The following PGAP1 variants were observed in gnomAD, a reference collection of about 807,000 sequenced individuals.
PGAP1 encodes post-GPI attachment to proteins inositol deacylase 1, also known as GPI inositol-deacylase.
PGAP1 carries 76 observed loss-of-function variants against 127.0 expected under a neutral mutation model. The ratio of observed to expected loss-of-function variants is 0.60; its 90% CI spans 0.50 to 0.72. The LOEUF is 0.72. Ranked by LOEUF, PGAP1 falls within the 30% of genes least tolerant of loss-of-function variation. PGAP1 has a pLI of 0.00. For missense variants in PGAP1, 982 were observed against 1,071.3 expected (o/e 0.92, Z 1.16); for synonymous variants, 362 against 366.5 (o/e 0.99, Z 0.14).
rs753763690 is a variant in PGAP1 at position 196,848,007 on chromosome 2, T to C, written c.1892A>G (p.Asp631Gly). The change falls in exon 21 of 27, where the codon GAT becomes GGT. Residue 631 changes from aspartate (D) to glycine (G), a missense_variant. Coordinates refer to ENST00000354764, the MANE Select transcript of PGAP1 (RefSeq NM_024989.4). ...AACTTTGTATGGTTTGGCTTCTTTA[T>C]CCAACATGGTAGCATATTCTAAGCA... ...GCCLEYATML[D>G]KEAKPYKVDP... 5 of 1,602,818 alleles carry C rather than the reference T, an allele frequency of 3.1e-6. No homozygotes were observed. The East Asian group carries it at 1.1e-4, about 36-fold the overall frequency.
At chr2:196,844,227 T>C (rs1700496100) in intron 24 of PGAP1, 152 bp from the exon 25 acceptor site, 1 of 545,258 alleles carries the variant, frequency 1.8e-6, no homozygotes, top group African/African-American at 1.9e-5. Context: ...AAAAATACTT[T>C]AAAATTGTTA....
intron 2 of PGAP1, among the ~76,000 whole-genome samples, chr2:196,918,734 A>C (rs184553767): frequency 1.3e-5 from 2 of 152,310 alleles, no homozygotes; most frequent in Admixed American, 6.5e-5. Flanking sequence ...TTTAATCATG[A>C]AGGGGCACAG....
intron 1 of PGAP1, among the ~76,000 whole-genome samples, chr2:196,925,423 G>C (rs1432547405): frequency 6.6e-6 from 1 of 152,110 alleles, no homozygotes; most frequent in Non-Finnish European, 1.5e-5. Flanking sequence ...ATATGTTATA[G>C]TGCATATACA....
At chr2:196,856,508 T>C (rs898247548) in intron 20 of PGAP1, among the ~76,000 whole-genome samples, 3 of 152,206 alleles carry the variant, frequency 2.0e-5, no homozygotes, top group African/African-American at 7.2e-5. Context: ...CCAATCCAAC[T>C]TTCTTCCATG....
intron 14 of PGAP1, among the ~76,000 whole-genome samples, chr2:196,874,371 G>T (rs994380820): frequency 6.6e-6 from 1 of 151,798 alleles, no homozygotes; most frequent in Non-Finnish European, 1.5e-5. Context: ...GGGGGAGAAG[G>T]GTCTACTTTA....
Position 196,890,851 on chromosome 2 carries a change from C to T in PGAP1, c.1150G>A (p.Val384Ile). 1 of 1,544,314 alleles carries T rather than the reference C, an allele frequency of 6.5e-7. No individual in the cohort carries two copies. Among genetic ancestry groups the T allele is most frequent in the Non-Finnish European group, 9.0e-7 (1 of 1,117,160 alleles). Reference sequence around the variant, plus strand: ...ACCAGCATAGTGCTCTGACAATAGACATGAGTGTAGATTTTTCTATGATTT... The same window carrying T: ...ACCAGCATAGTGCTCTGACAATAGATATGAGTGTAGATTTTTCTATGATTT... ...LENHRKIYTH[V>I]YCQSTMLDTN... is the part of the protein sequence containing the mutation. The change falls in exon 10 of 27, where the codon GTC (valine) becomes ATC (isoleucine). Residue 384 changes from valine to isoleucine, a missense_variant. Val to Ile is a conservative substitution (Grantham distance 29, BLOSUM62 3). Coordinates refer to ENST00000354764, the MANE Select transcript of PGAP1 (RefSeq NM_024989.4).
At position 196,837,514 on chromosome 2, in the gene PGAP1, G is replaced by A. The variant is rs969233252; in HGVS notation, c.*3720C>T. 14 of 152,114 alleles carry A rather than the reference G, an allele frequency of 9.2e-5. No homozygotes were observed. The highest frequency in any genetic ancestry group is 7.9e-4 in the Admixed American group (12 of 15,270). 9.4% of individuals were successfully genotyped at this position (152,114 alleles called of 1,614,324 possible). On this transcript the variant is annotated 3_prime_UTR_variant, in exon 27 of 27. Coordinates refer to ENST00000354764, the MANE Select transcript of PGAP1 (RefSeq NM_024989.4). ...GTGGCATGTACCTGTAGTCTCACCT[G>A]CTGTGGGAGGCTGAGATGGGAGGAT...
At chr2:196,894,446 A>T (rs1047663175) in intron 7 of PGAP1, among the ~76,000 whole-genome samples, 7 of 152,296 alleles carry the variant, frequency 4.6e-5, no homozygotes, top group Middle Eastern at 3.4e-3. Flanking sequence ...CTTATACTAA[A>T]TTTGTTTGAT....
Position 196,916,590 on chromosome 2 carries a change from C to T in PGAP1, c.305G>A (p.Arg102His), listed in dbSNP as rs1397678356. ...PGNAGSYKQV[R>H]SIGSIALRKA... ...TCTAAGTGCAATGGAGCCAATAGAA[C>T]GAACTGCAGAGGAAAAGAGTGAAGT... The change falls in exon 3 of 27, where the codon CGT becomes CAT. Residue 102 changes from arginine to histidine, a missense_variant. Arg to His is a conservative substitution (Grantham distance 29). Transcript: ENST00000354764. 5.6e-6 allele frequency: 9 copies of T among 1,601,488 alleles called. No individual in the cohort carries two copies. The highest frequency in any genetic ancestry group is 1.7e-4 in the Middle Eastern group (1 of 6,010).
Position 196,847,991 on chromosome 2 carries a change from T to A in PGAP1, c.1908A>T (p.Pro636=). The A allele has an allele frequency of 1.9e-6, 3 of 1,602,090 alleles. No individual in the cohort carries two copies. The highest frequency in any genetic ancestry group is 2.6e-6 in the Non-Finnish European group (3 of 1,175,798). The change falls in exon 21 of 27, where the codon CCA becomes CCT. Residue 636 remains proline, a synonymous_variant. Coordinates refer to ENST00000354764, the MANE Select transcript of PGAP1 (RefSeq NM_024989.4). ...TAATTACAAAAGGATCAACTTTGTATGGTTTGGCTTCTTTATCCAACATGG... is the reference window on the plus strand; with the variant it reads ...TAATTACAAAAGGATCAACTTTGTAAGGTTTGGCTTCTTTATCCAACATGG... ...YATMLDKEAK[P]YKVDPFVIII...
intron 13 of PGAP1, among the ~76,000 whole-genome samples, chr2:196,876,313 C>T (rs1050771641): frequency 2.0e-5 from 3 of 152,144 alleles, no homozygotes; most frequent in South Asian, 2.1e-4. Flanking sequence ...GAAATACTGC[C>T]ATTCATTGAC....
At chr2:196,843,442 C>A (rs1700470145) in intron 25 of PGAP1, among the ~76,000 whole-genome samples, 1 of 152,116 alleles carries the variant, frequency 6.6e-6, no homozygotes, top group African/African-American at 2.4e-5. Flanking sequence ...ATTTAGATAA[C>A]TTGAAAGTTT....
chr2:196,920,086 T>A lies in PGAP1; in HGVS notation c.212A>T (p.Glu71Val). Residue 71 changes from glutamate (E) to valine (V), a missense_variant, in exon 2 of 27, where the codon GAG (glutamate) becomes GTG (valine). Physicochemically the swap from Glu to Val is moderately radical, Grantham distance 121. Coordinates refer to ENST00000354764, the MANE Select transcript of PGAP1 (RefSeq NM_024989.4). ...TTTGTGTTCTTCAGCATAGGATCCC[T>A]CTCCATAAAGATACAACTCATATGC... ...YPAYELYLYG[E>V]GSYAEEHKIL... The A allele has an allele frequency of 1.2e-6, 2 of 1,613,370 alleles. No homozygotes were observed. Among genetic ancestry groups the A allele is most frequent in the Non-Finnish European group, 8.5e-7 (1 of 1,179,560 alleles).
rs1181358577 is a variant in PGAP1 at position 196,835,815 on chromosome 2, T to C, written c.*5419A>G. The stretch of plus-strand genomic sequence containing the variant: ...AAAGAGAATTCAAATGTGTCTCTTT[T>C]TTTTGCTAAAAAAGGGATGTAAAAA... On this transcript the variant is annotated 3_prime_UTR_variant, in exon 27 of 27. Transcript: ENST00000354764. The C allele has an allele frequency of 6.6e-6, 1 of 152,360 alleles. No homozygotes were observed. The highest frequency in any genetic ancestry group is 2.1e-4 in the South Asian group (1 of 4,828). 9.4% of individuals were successfully genotyped at this position (152,360 alleles called of 1,614,324 possible).
chr2:196,892,256 T>A (rs1395020458), intron 9 of PGAP1, 90 bp downstream of exon 9: 3 of 620,256 alleles, frequency 4.8e-6, no homozygotes, highest in Non-Finnish European at 5.7e-6. Flanking sequence ...CATGCAGTTA[T>A]CTTGTTTAAA....
At chr2:196,848,234 C>T (rs1034708544) in intron 20 of PGAP1, among the ~76,000 whole-genome samples, 197 bp from the exon 21 acceptor site, 1 of 152,046 alleles carries the variant, frequency 6.6e-6, no homozygotes, top group Non-Finnish European at 1.5e-5. Flanking sequence ...CATTCAATCA[C>T]TTGTAAAAAC....
chr2:196,889,208 G>C (rs1702018658), intron 10 of PGAP1, among the ~76,000 whole-genome samples: 1 of 152,074 alleles, frequency 6.6e-6, no homozygotes, highest in East Asian at 1.9e-4. Flanking sequence ...TATTAAGTGA[G>C]AAAAGATACT....
chr2:196,858,354 A>G (rs1292356644), intron 20 of PGAP1, among the ~76,000 whole-genome samples: 1 of 151,858 alleles, frequency 6.6e-6, no homozygotes, highest in Non-Finnish European at 1.5e-5. Context: ...GTTAGCTGAG[A>G]TCGTACCACC....
Position 196,841,167 on chromosome 2 carries a change from C to T in PGAP1, c.*67G>A. The T allele has an allele frequency of 6.2e-6, 9 of 1,443,584 alleles. No homozygotes were observed. The highest frequency in any genetic ancestry group is 8.4e-6 in the Non-Finnish European group (9 of 1,067,570). 89.4% of individuals were successfully genotyped at this position (1,443,584 alleles called of 1,614,324 possible). Reference sequence around the variant, plus strand: ...GATCTTGCTGTCCATACTGATGGATCTGTGTGTTCCCTCTTATCACTGGCC... The same window carrying T: ...GATCTTGCTGTCCATACTGATGGATTTGTGTGTTCCCTCTTATCACTGGCC... On this transcript the variant is annotated 3_prime_UTR_variant, in exon 27 of 27. Coordinates refer to ENST00000354764, the MANE Select transcript of PGAP1 (RefSeq NM_024989.4).
Sources: allele counts gnomAD v4.1 joint callset (sites outside exome capture counted in the v4.1 genomes callset), GRCh38; gene constraint gnomAD v4.1.1; transcripts MANE v1.5; gene names NCBI Gene and HGNC (gene_info 2026-07-23, HGNC 2026-07-21).